Variants in CDH13 observed in about 807,000 individuals in gnomAD.
CDH13 encodes the protein cadherin-13.
CDH13 carries 24 observed loss-of-function variants against 63.8 expected under a neutral mutation model. The ratio of observed to expected loss-of-function variants is 0.38; its 90% CI spans 0.27 to 0.53. The LOEUF is 0.53. Ranked by LOEUF, CDH13 falls within the 20% of genes least tolerant of loss-of-function variation. The pLI is 0.85. For missense variants in CDH13, 1,049 were observed against 903.1 expected (o/e 1.16, Z -2.07); for synonymous variants, 503 against 355.3 (o/e 1.42, Z -4.67).
At chr16:83,534,269 G>C (rs1188825954) in intron 7 of CDH13, among the ~76,000 whole-genome samples, 1 of 152,214 alleles carries the variant, frequency 6.6e-6, no homozygotes, top group Admixed American at 6.5e-5. Context: ...AGGCAGAGCT[G>C]TGGATCCTCA....
chr16:83,407,794 T>G (rs1403680210), intron 6 of CDH13, among the ~76,000 whole-genome samples: 1 of 152,204 alleles, frequency 6.6e-6, no homozygotes. Context: ...TTTCCAGCAT[T>G]GCGCATTAGA....
At chr16:83,212,885 C>T (rs2039380352) in intron 4 of CDH13, among the ~76,000 whole-genome samples, 1 of 152,178 alleles carries the variant, frequency 6.6e-6, no homozygotes, top group African/African-American at 2.4e-5. Flanking sequence ...TCCAGTGAAT[C>T]ATATCTTGAG....
intron 3 of CDH13, among the ~76,000 whole-genome samples, chr16:83,104,935 G>A (rs184272521): frequency 6.6e-6 from 1 of 152,316 alleles, no homozygotes; most frequent in Non-Finnish European, 1.5e-5. Context: ...GCAGTGCTCT[G>A]CATCTTCTCC....
chr16:83,397,732 A>G (rs1298812862), intron 6 of CDH13, among the ~76,000 whole-genome samples: 1 of 152,216 alleles, frequency 6.6e-6, no homozygotes, highest in Admixed American at 6.5e-5. Context: ...TTATCTCTGT[A>G]TCTCCTTGTC....
At chr16:83,191,522 CACACACACATATATATAT>C (rs1430786527) in intron 4 of CDH13, among the ~76,000 whole-genome samples, 1 of 90,030 alleles carries the variant, frequency 1.1e-5, no homozygotes, top group African/African-American at 5.0e-5. Context: ...CACACACACA[CACACACACATATATATAT>C]ATATATATAT....
At chr16:83,049,065 T>C (rs890806053) in intron 3 of CDH13, among the ~76,000 whole-genome samples, 9 of 152,186 alleles carry the variant, frequency 5.9e-5, no homozygotes, top group African/African-American at 2.2e-4. Context: ...TTGAAGTCTC[T>C]GAAGCAATTA....
chr16:82,879,564 A>G (rs998734551), intron 2 of CDH13, among the ~76,000 whole-genome samples: 1 of 142,474 alleles, frequency 7.0e-6, no homozygotes, highest in South Asian at 2.1e-4. Flanking sequence ...CATATATTGT[A>G]TATTTTATAT....
At chr16:83,374,033 G>A (rs1265549213) in intron 6 of CDH13, among the ~76,000 whole-genome samples, 1 of 152,220 alleles carries the variant, frequency 6.6e-6, no homozygotes, top group East Asian at 1.9e-4. Flanking sequence ...TCTAAGGACA[G>A]AGGGGAGGCA....
chr16:83,466,200 A>C (rs1484599444), intron 6 of CDH13, among the ~76,000 whole-genome samples: 1 of 152,176 alleles, frequency 6.6e-6, no homozygotes, highest in East Asian at 1.9e-4. Context: ...AGTCATTCAA[A>C]AGTTGGAAGG....
chr16:83,396,432 A>T (rs2091887985), intron 6 of CDH13, among the ~76,000 whole-genome samples: 1 of 152,142 alleles, frequency 6.6e-6, no homozygotes, highest in Admixed American at 6.5e-5. Flanking sequence ...CTTCCAGGAG[A>T]TTTGGAAGGC....
At chr16:83,113,812 G>C (rs7185451) in intron 3 of CDH13, among the ~76,000 whole-genome samples, 88 of 152,306 alleles carry the variant, frequency 5.8e-4, no homozygotes, top group African/African-American at 1.7e-3. Flanking sequence ...GGTGCGTGCA[G>C]CTGAGAAGCA....
chr16:83,096,319 T>C (rs766449269), intron 3 of CDH13, among the ~76,000 whole-genome samples: 6 of 152,160 alleles, frequency 3.9e-5, no homozygotes, highest in Non-Finnish European at 8.8e-5. Context: ...CAAATAGGAA[T>C]ATATCAGACA....
chr16:83,411,140 A>G (rs1276972149), intron 6 of CDH13, among the ~76,000 whole-genome samples: 1 of 152,166 alleles, frequency 6.6e-6, no homozygotes, highest in Non-Finnish European at 1.5e-5. Flanking sequence ...TAAAGGTGCC[A>G]ACCTCATTCC....
intron 2 of CDH13, among the ~76,000 whole-genome samples, chr16:82,906,771 C>T (rs2041659895): frequency 6.6e-6 from 1 of 152,172 alleles, no homozygotes; most frequent in Non-Finnish European, 1.5e-5. Context: ...CCCACCCCTT[C>T]CTAGATGCTG....
chr16:82,803,657 G>C (rs1421703984), intron 1 of CDH13, among the ~76,000 whole-genome samples: 1 of 152,136 alleles, frequency 6.6e-6, no homozygotes, highest in Non-Finnish European at 1.5e-5. Flanking sequence ...AAAGAAGAAA[G>C]TCCTACCATT....
chr16:83,197,086 T>A (rs1188210684), intron 4 of CDH13, among the ~76,000 whole-genome samples: 1 of 152,206 alleles, frequency 6.6e-6, no homozygotes, highest in Non-Finnish European at 1.5e-5. Flanking sequence ...TTTATTCATA[T>A]CATGAAATAT....
chr16:83,397,711 G>C (rs2091908805), intron 6 of CDH13, among the ~76,000 whole-genome samples: 1 of 152,208 alleles, frequency 6.6e-6, no homozygotes, highest in Non-Finnish European at 1.5e-5. Context: ...TGAAAGTAAA[G>C]ATGGAGTTGT....
intron 4 of CDH13, among the ~76,000 whole-genome samples, chr16:83,176,528 A>G (rs890628209): frequency 1.3e-5 from 2 of 151,624 alleles, no homozygotes; most frequent in Non-Finnish European, 2.9e-5. Flanking sequence ...AAAAAAAAAA[A>G]AAAAAAGTCC....
chr16:83,625,458 T>C (rs936803269), intron 8 of CDH13, among the ~76,000 whole-genome samples: 1 of 152,192 alleles, frequency 6.6e-6, no homozygotes, highest in Non-Finnish European at 1.5e-5. Flanking sequence ...TTCCACATGC[T>C]ACTGACCATC....
Sources: allele counts gnomAD v4.1 joint callset (sites outside exome capture counted in the v4.1 genomes callset), GRCh38; gene constraint gnomAD v4.1.1; transcripts MANE v1.5; gene names NCBI Gene and HGNC (gene_info 2026-07-23, HGNC 2026-07-21).